The following CENPW variants were observed in gnomAD, a reference collection of about 807,000 sequenced individuals.
CENPW encodes the protein centromere protein W.
CENPW carries 3 observed loss-of-function variants against 11.1 expected under a neutral mutation model. The observed-to-expected ratio is 0.27, with a 90% CI of 0.12 to 0.70. The LOEUF (loss-of-function observed/expected upper bound fraction) is 0.70, where lower values mean the gene tolerates loss of function less well. Among genes scored for constraint, CENPW ranks in the 30% least tolerant of loss-of-function variants. The probability of loss-of-function intolerance (pLI) is 0.77; values close to 1 mark genes in which losing one functional copy is unlikely to be tolerated. For missense variants in CENPW, 100 were observed against 105.6 expected (o/e 0.95, Z 0.23); for synonymous variants, 38 against 42.0 (o/e 0.91, Z 0.37).
chr6:126,428,139 C>T, the CENPW span, among the ~76,000 whole-genome samples: 743 of 152,284 alleles, frequency 4.9e-3, 9 homozygotes, highest in African/African-American at 0.017. Flanking sequence ...TCATTTGCCA[C>T]AAGGCCCTGA....
the CENPW span, among the ~76,000 whole-genome samples, chr6:126,458,840 A>T: frequency 6.6e-6 from 1 of 151,298 alleles, no homozygotes; most frequent in Non-Finnish European, 1.5e-5. Flanking sequence ...AATAATAATA[A>T]AATGTACCTT....
chr6:126,406,488 A>G, the CENPW span, among the ~76,000 whole-genome samples: 25 of 152,254 alleles, frequency 1.6e-4, no homozygotes, highest in Admixed American at 3.9e-4. Context: ...TGTCACAGAA[A>G]GAGACTGAAA....
At chr6:126,427,639 TTATTA>T in the CENPW span, among the ~76,000 whole-genome samples, 1 of 152,224 alleles carries the variant, frequency 6.6e-6, no homozygotes, top group South Asian at 2.1e-4. Context: ...AGTATTATCT[TTATTA>T]TATTATGCAT....
chr6:126,381,813 A>C, the CENPW span, among the ~76,000 whole-genome samples: 1 of 152,168 alleles, frequency 6.6e-6, no homozygotes, highest in African/African-American at 2.4e-5. Flanking sequence ...AACCTCGAGG[A>C]GTCAGAGCAC....
chr6:126,472,442 C>T, the CENPW span, among the ~76,000 whole-genome samples: 4 of 152,118 alleles, frequency 2.6e-5, no homozygotes, highest in Non-Finnish European at 4.4e-5. Flanking sequence ...GCTTCTTTTA[C>T]TCTGCATAAT....
chr6:126,362,813 A>C, the CENPW span, among the ~76,000 whole-genome samples: 2 of 152,102 alleles, frequency 1.3e-5, no homozygotes, highest in Non-Finnish European at 2.9e-5. Context: ...ATTGTACTGA[A>C]AACAGGCTTT....
the CENPW span, among the ~76,000 whole-genome samples, chr6:126,470,031 T>C: frequency 2.6e-5 from 4 of 152,178 alleles, no homozygotes; most frequent in Non-Finnish European, 5.9e-5. Flanking sequence ...GAAAAACCCA[T>C]TTTCTGGGGA....
the CENPW span, among the ~76,000 whole-genome samples, chr6:126,380,229 T>C: frequency 1.3e-5 from 2 of 151,634 alleles, no homozygotes; most frequent in African/African-American, 4.8e-5. Flanking sequence ...AACATATCCT[T>C]TTAGATTAAC....
At chr6:126,377,997 G>A in the CENPW span, among the ~76,000 whole-genome samples, 1 of 152,170 alleles carries the variant, frequency 6.6e-6, no homozygotes, top group Admixed American at 6.6e-5. Context: ...TTTCAAAGTG[G>A]GGAAATGGTA....
the CENPW span, among the ~76,000 whole-genome samples, chr6:126,420,021 T>C: frequency 2.3e-4 from 35 of 152,234 alleles, no homozygotes; most frequent in East Asian, 6.4e-3. Context: ...CCTAGCACAG[T>C]AGTTATAAAT....
downstream of CENPW, among the ~76,000 whole-genome samples, chr6:126,353,092 A>G (rs921916247): frequency 6.6e-6 from 1 of 152,052 alleles, no homozygotes; most frequent in African/African-American, 2.4e-5. Context: ...CATTTGTTAA[A>G]CCAACCATAT....
chr6:126,469,649 G>GA, the CENPW span, among the ~76,000 whole-genome samples: 1 of 152,204 alleles, frequency 6.6e-6, no homozygotes, highest in Non-Finnish European at 1.5e-5. Flanking sequence ...GAGACTTGTT[G>GA]AATGGCTTTG....
Position 126,346,249 on chromosome 6 carries a change from G to C in CENPW, c.171G>C (p.Glu57Asp). The C allele has an allele frequency of 6.2e-7, 1 of 1,608,806 alleles. No homozygotes were observed. Among genetic ancestry groups the C allele is most frequent in the Non-Finnish European group, 8.5e-7 (1 of 1,175,980 alleles). ...CLLFVHRLAE[E>D]SRTNACASKC... is the part of the protein sequence containing the mutation. ...TGTTTGTTCATCGATTAGCAGAAGAGTCCAGGACAAACGCTTGTGCGAGTA... is the reference window on the plus strand; with the variant it reads ...TGTTTGTTCATCGATTAGCAGAAGACTCCAGGACAAACGCTTGTGCGAGTA... Residue 57 changes from glutamate (E) to aspartate (D), a missense_variant, in exon 2 of 3, where the codon GAG (glutamate) becomes GAC (aspartate). Transcript: ENST00000368328.
At chr6:126,346,356 C>G (rs1167743648) in intron 2 of CENPW, 38 bp downstream of exon 2, 2 of 1,311,650 alleles carry the variant, frequency 1.5e-6, no homozygotes, top group Admixed American at 1.8e-5. Context: ...AAGAATTAAA[C>G]TTCAAAAATA....
At chr6:126,466,990 A>T in the CENPW span, among the ~76,000 whole-genome samples, 1 of 152,174 alleles carries the variant, frequency 6.6e-6, no homozygotes, top group East Asian at 1.9e-4. Context: ...GCTCAAAGAA[A>T]TCAGAGATGA....
the CENPW span, among the ~76,000 whole-genome samples, chr6:126,370,216 T>C: frequency 6.6e-6 from 1 of 152,182 alleles, no homozygotes; most frequent in Non-Finnish European, 1.5e-5. Context: ...TGCCTTCAGA[T>C]TTGTTCTTTT....
At chr6:126,356,227 T>C in the CENPW span, among the ~76,000 whole-genome samples, 2 of 152,166 alleles carry the variant, frequency 1.3e-5, no homozygotes, top group East Asian at 1.9e-4. Context: ...CCCTAACTCA[T>C]GTTATCTTGA....
the CENPW span, among the ~76,000 whole-genome samples, chr6:126,364,624 C>T: frequency 6.6e-6 from 1 of 152,178 alleles, no homozygotes; most frequent in Admixed American, 6.5e-5. Flanking sequence ...CTACCCCTAT[C>T]CATTTTATAT....
chr6:126,375,396 G>A, the CENPW span, among the ~76,000 whole-genome samples: 1 of 152,156 alleles, frequency 6.6e-6, no homozygotes, highest in Admixed American at 6.5e-5. Flanking sequence ...TTTTTATGCA[G>A]GTCATTTTAG....
Sources: allele counts gnomAD v4.1 joint callset (sites outside exome capture counted in the v4.1 genomes callset), GRCh38; gene constraint gnomAD v4.1.1; transcripts MANE v1.5; gene names NCBI Gene and HGNC (gene_info 2026-07-23, HGNC 2026-07-21).